The following OPCML variants were observed in gnomAD, a reference collection of about 807,000 sequenced individuals.
OPCML encodes opioid binding protein/cell adhesion molecule like, also known as opioid-binding protein/cell adhesion molecule.
A neutral mutation model predicts 37.8 loss-of-function variants in OPCML; 13 were observed. The observed-to-expected ratio is 0.34, with a 90% CI of 0.22 to 0.55. The LOEUF (loss-of-function observed/expected upper bound fraction) is 0.55, where lower values mean the gene tolerates loss of function less well. OPCML is among the 20% of genes least tolerant of loss of function. The pLI, the probability that OPCML is intolerant of heterozygous loss-of-function variation, is 0.91. For missense variants in OPCML, 341 were observed against 435.6 expected (o/e 0.78, Z 1.93); for synonymous variants, 176 against 168.8 (o/e 1.04, Z -0.33).
chr11:133,100,800 T>C (rs1949074314), intron 1 of OPCML, among the ~76,000 whole-genome samples: 2 of 152,186 alleles, frequency 1.3e-5, no homozygotes, highest in South Asian at 4.1e-4. Context: ...TTATACCTTT[T>C]GCCAAAAGGA....
At chr11:132,752,466 T>C (rs1465950237) in intron 2 of OPCML, among the ~76,000 whole-genome samples, 1 of 152,130 alleles carries the variant, frequency 6.6e-6, no homozygotes, top group Admixed American at 6.6e-5. Context: ...ATATTTACAC[T>C]GTAAATTGTT....
intron 2 of OPCML, among the ~76,000 whole-genome samples, chr11:132,743,319 A>G (rs1296073567): frequency 1.3e-5 from 2 of 152,174 alleles, no homozygotes; most frequent in Non-Finnish European, 2.9e-5. Context: ...TACCAGCTCT[A>G]CTAGATTAGC....
chr11:132,520,136 G>C (rs2096289201), intron 4 of OPCML, among the ~76,000 whole-genome samples: 1 of 152,190 alleles, frequency 6.6e-6, no homozygotes, highest in Non-Finnish European at 1.5e-5. Context: ...GAAAGGCAAG[G>C]CAAGAGTATG....
chr11:133,289,829 G>A (rs1349696502), intron 1 of OPCML, among the ~76,000 whole-genome samples: 1 of 151,932 alleles, frequency 6.6e-6, no homozygotes, highest in African/African-American at 2.4e-5. Context: ...AATGGCCCAC[G>A]GACACCCACA....
intron 1 of OPCML, among the ~76,000 whole-genome samples, chr11:132,987,799 G>A (rs1481952569): frequency 6.6e-6 from 1 of 152,124 alleles, no homozygotes; most frequent in Non-Finnish European, 1.5e-5. Flanking sequence ...CTTTCCCCAA[G>A]GCCTCCCTTC....
rs146058878 is a variant in OPCML, at chr11:132,889,816, G to A, written c.146+53110C>T. ...CCCATTCCATTCTAACACAGTGCTG[G>A]CATATAGGAGATGTCAATAAATGCT... On this transcript the variant is annotated intron_variant, in intron 2 of 7. Transcript: ENST00000524381. Among the ~76,000 whole-genome samples the A allele has an allele frequency of 5.9e-5, 9 of 152,280 alleles. No individual in the cohort carries two copies. The East Asian group carries it at 1.7e-3, about 29-fold the overall frequency.
chr11:132,937,597 T>TGG (rs1245386402), intron 2 of OPCML, among the ~76,000 whole-genome samples: 2,054 of 15,046 alleles, frequency 0.14, 112 homozygotes, highest in Non-Finnish European at 0.17. Context: ...GTGTGTGGGG[T>TGG]GTGTGTGTGT....
intron 1 of OPCML, among the ~76,000 whole-genome samples, chr11:133,417,253 G>T (rs1945788891): frequency 6.6e-6 from 1 of 152,194 alleles, no homozygotes; most frequent in Non-Finnish European, 1.5e-5. Flanking sequence ...TAGAAGTGCA[G>T]GTCAAAACCT....
intron 1 of OPCML, among the ~76,000 whole-genome samples, chr11:132,948,217 C>T (rs1487469712): frequency 2.0e-5 from 3 of 152,148 alleles, no homozygotes; most frequent in Non-Finnish European, 4.4e-5. Flanking sequence ...TTACAGTTCC[C>T]AAGAGGAGGG....
At chr11:133,455,748 A>G (rs2136967339) in intron 1 of OPCML, among the ~76,000 whole-genome samples, 1 of 152,284 alleles carries the variant, frequency 6.6e-6, no homozygotes, top group Non-Finnish European at 1.5e-5. Flanking sequence ...ATTAAATAAA[A>G]TATCTGCAGA....
At chr11:132,936,140 G>A (rs951654380) in intron 2 of OPCML, among the ~76,000 whole-genome samples, 4 of 152,194 alleles carry the variant, frequency 2.6e-5, no homozygotes, top group African/African-American at 9.7e-5. Context: ...GAAGCAAGGA[G>A]ACTCTAAAGA....
chr11:132,897,808 T>C (rs894983134), intron 2 of OPCML, among the ~76,000 whole-genome samples: 5 of 152,186 alleles, frequency 3.3e-5, no homozygotes, highest in African/African-American at 1.2e-4. Context: ...GGTCAGGGAC[T>C]TGAAAGGAAC....
At chr11:132,628,510 G>GTT in intron 3 of OPCML, among the ~76,000 whole-genome samples, 1 of 152,242 alleles carries the variant, frequency 6.6e-6, no homozygotes, top group South Asian at 2.1e-4. Context: ...AAATAGGAAA[G>GTT]GACTCACCTG....
rs11823429 is a variant in OPCML, at chr11:132,973,616, C to T, written c.62-30606G>A. On this transcript the variant is annotated intron_variant, in intron 1 of 7. Transcript: ENST00000524381. ...TTCTCTGAGTCTACAGCTGAGAAGT[C>T]AAGCACAGTTAAGGACACAACAAAG... 8.3e-3 allele frequency among the ~76,000 whole-genome samples: 1,262 copies of T among 152,294 alleles called. 13 individuals carry two copies. Among genetic ancestry groups the T allele is most frequent in the African/African-American group, 0.029 (1,214 of 41,562 alleles).
intron 2 of OPCML, among the ~76,000 whole-genome samples, chr11:132,736,388 G>A (rs528186695): frequency 5.3e-4 from 80 of 152,260 alleles, no homozygotes; most frequent in African/African-American, 1.9e-3. Context: ...GCTTTGGGAG[G>A]GGGTAAGTGC....
chr11:132,488,615 A>G (rs2096207119), intron 4 of OPCML, among the ~76,000 whole-genome samples: 1 of 152,198 alleles, frequency 6.6e-6, no homozygotes, highest in Admixed American at 6.5e-5. Context: ...GGCCTGGGAT[A>G]TTACCATACT....
chr11:133,223,413 T>G (rs1287381160), intron 1 of OPCML, among the ~76,000 whole-genome samples: 1 of 152,178 alleles, frequency 6.6e-6, no homozygotes, highest in Non-Finnish European at 1.5e-5. Flanking sequence ...TGCCGTGTTT[T>G]GTTTTATTTT....
At chr11:133,183,046 G>A (rs1464086395) in intron 1 of OPCML, among the ~76,000 whole-genome samples, 1 of 151,960 alleles carries the variant, frequency 6.6e-6, no homozygotes, top group Non-Finnish European at 1.5e-5. Context: ...GTTATATATG[G>A]TGCTGTTTTT....
intron 1 of OPCML, among the ~76,000 whole-genome samples, chr11:133,429,695 G>C (rs1321414039): frequency 6.6e-6 from 1 of 152,184 alleles, no homozygotes; most frequent in South Asian, 2.1e-4. Context: ...AGGGTCAAGA[G>C]TGACTCCTAA....
Sources: allele counts gnomAD v4.1 joint callset (sites outside exome capture counted in the v4.1 genomes callset), GRCh38; gene constraint gnomAD v4.1.1; transcripts MANE v1.5; gene names NCBI Gene and HGNC (gene_info 2026-07-23, HGNC 2026-07-21).